Variants in LRP1B observed in about 807,000 individuals in gnomAD.
LRP1B encodes the protein low-density lipoprotein receptor-related protein 1B.
In LRP1B, 217 loss-of-function variants were observed where a neutral mutation model predicts 556.6. The ratio of observed to expected loss-of-function variants is 0.39; its 90% CI spans 0.35 to 0.44. The LOEUF is 0.44. Ranked by LOEUF, LRP1B falls within the 20% of genes least tolerant of loss-of-function variation. The pLI is 1.00. For synonymous variants in LRP1B, 2,047 were observed against 1,865.8 expected (o/e 1.10, Z -2.50); for missense variants, 5,053 against 5,620.8 (o/e 0.90, Z 3.23).
chr2:141,299,147 A>G (rs1431720052), intron 3 of LRP1B, among the ~76,000 whole-genome samples: 1 of 152,102 alleles, frequency 6.6e-6, no homozygotes, highest in Non-Finnish European at 1.5e-5. Context: ...GAACTTCAGT[A>G]TGGCTAACTC....
rs5834867 is a variant in LRP1B, at chr2:141,782,514, CTTTTTT to C, written c.205+27759_205+27764del. Among the ~76,000 whole-genome samples the C allele has an allele frequency of 2.3e-3, 226 of 97,852 alleles. 4 individuals are homozygous for C. In the East Asian group the frequency reaches 0.054, roughly 23 times the overall value. 64.2% of individuals were successfully genotyped at this position (97,852 alleles called of 152,430 possible). A position where few individuals can be genotyped will look rare whatever the true frequency, so the allele number is the denominator to read the frequency against. ...ACATTTCTTTGCATGTTCTATTTTCCTTTTTTTTTTTTTTTTTTTGGTAGCATAATG... is the reference window on the plus strand; with the variant it reads ...ACATTTCTTTGCATGTTCTATTTTCCTTTTTTTTTTTTTGGTAGCATAATG... On this transcript the variant is annotated intron_variant, in intron 2 of 90. Transcript: ENST00000389484.
intron 2 of LRP1B, among the ~76,000 whole-genome samples, chr2:141,682,252 T>C (rs149317547): frequency 6.6e-6 from 1 of 152,184 alleles, no homozygotes; most frequent in East Asian, 1.9e-4. Context: ...CCCAAATTTT[T>C]GTTAACTAGC....
intron 13 of LRP1B, 79 bp from the exon 14 acceptor site, chr2:141,013,824 C>T: frequency 1.3e-6 from 1 of 790,998 alleles, no homozygotes; most frequent in East Asian, 2.9e-5. Context: ...AAGTGATATT[C>T]AATAAGTATA....
At chr2:141,798,548 A>C (rs1281270149) in intron 2 of LRP1B, among the ~76,000 whole-genome samples, 1 of 151,854 alleles carries the variant, frequency 6.6e-6, no homozygotes, top group Non-Finnish European at 1.5e-5. Flanking sequence ...CTCTACTAAA[A>C]ATACAAAAAT....
chr2:141,937,473 C>T (rs982238419), intron 1 of LRP1B, among the ~76,000 whole-genome samples: 4 of 151,596 alleles, frequency 2.6e-5, no homozygotes, highest in Non-Finnish European at 5.9e-5. Flanking sequence ...TGGAGAAACA[C>T]TTCAAATGTA....
chr2:141,623,223 T>G (rs1574383), intron 2 of LRP1B, among the ~76,000 whole-genome samples: 114,388 of 152,126 alleles, frequency 0.75, 43,545 homozygotes, highest in East Asian at 0.84. Context: ...ACTCGCATTG[T>G]CCATATCCAA....
chr2:141,929,338 A>G (rs1427530454), intron 1 of LRP1B, among the ~76,000 whole-genome samples: 1 of 152,132 alleles, frequency 6.6e-6, no homozygotes, highest in East Asian at 1.9e-4. Flanking sequence ...AATGCACTTC[A>G]TAGGGTGTCA....
At chr2:140,283,117 AT>A (rs1259782391) in intron 84 of LRP1B, among the ~76,000 whole-genome samples, 2 of 151,800 alleles carry the variant, frequency 1.3e-5, no homozygotes, top group African/African-American at 4.8e-5. Flanking sequence ...TTCATCTAGC[AT>A]GGCTTAGGAG....
At chr2:141,384,829 A>G (rs1057182524) in intron 3 of LRP1B, among the ~76,000 whole-genome samples, 1 of 152,198 alleles carries the variant, frequency 6.6e-6, no homozygotes, top group Non-Finnish European at 1.5e-5. Context: ...ACTGCTATGT[A>G]TCTTATTGAA....
chr2:140,733,292 G>A (rs962712037), intron 35 of LRP1B, among the ~76,000 whole-genome samples: 4 of 152,036 alleles, frequency 2.6e-5, no homozygotes, highest in Non-Finnish European at 2.9e-5. Flanking sequence ...TATAATATAT[G>A]TCCTATTCTA....
At chr2:141,070,524 T>G (rs1182754406) in intron 7 of LRP1B, among the ~76,000 whole-genome samples, 2 of 151,564 alleles carry the variant, frequency 1.3e-5, no homozygotes, top group African/African-American at 2.4e-5. Context: ...CTGAAGGAAA[T>G]AGAGACACAA....
intron 11 of LRP1B, among the ~76,000 whole-genome samples, chr2:141,025,056 A>G (rs550955934): frequency 1.3e-5 from 2 of 152,134 alleles, no homozygotes; most frequent in Admixed American, 6.6e-5. Flanking sequence ...TGAGAGATCC[A>G]TGGAGAAATG....
intron 2 of LRP1B, among the ~76,000 whole-genome samples, chr2:141,634,746 C>A (rs148742176): frequency 1.3e-4 from 20 of 151,886 alleles, no homozygotes; most frequent in African/African-American, 4.6e-4. Context: ...TGGTTATTTA[C>A]CTTTTTAGAC....
intron 35 of LRP1B, among the ~76,000 whole-genome samples, chr2:140,761,150 A>C (rs1475082286): frequency 6.6e-6 from 1 of 152,194 alleles, no homozygotes; most frequent in Admixed American, 6.5e-5. Context: ...ACAGTCTACT[A>C]TTAACTGGAG....
chr2:141,050,873 A>T (rs1699017047), intron 10 of LRP1B, among the ~76,000 whole-genome samples: 1 of 152,118 alleles, frequency 6.6e-6, no homozygotes, highest in South Asian at 2.1e-4. Flanking sequence ...ACATTTTCGC[A>T]ATCTACCCAT....
intron 41 of LRP1B, among the ~76,000 whole-genome samples, chr2:140,616,800 GAA>G (rs1361405181): frequency 6.6e-6 from 1 of 151,560 alleles, no homozygotes; most frequent in Admixed American, 6.6e-5. Flanking sequence ...ATAGTTTATG[GAA>G]AAAAATCAAT....
rs774970591 is a variant in LRP1B, at chr2:141,015,759, T to C, written c.2127A>G (p.Leu709=). Residue 709 remains leucine (L), a synonymous_variant, in exon 13 of 91, where the codon TTA becomes TTG. Transcript: ENST00000389484. ...GATCGTAATAGGCATCACACCAGTA[T>C]AATGTGTTGGTGTGAAAGTCCAGAG... is the stretch of plus-strand genomic sequence containing the variant. ...GLTLDFHTNT[L]YWCDAYYDHI... The C allele has an allele frequency of 1.2e-6, 2 of 1,613,382 alleles. No homozygotes were observed. The highest frequency in any genetic ancestry group is 1.1e-5 in the South Asian group (1 of 91,072).
At chr2:140,898,171 T>G (rs1310999552) in intron 23 of LRP1B, among the ~76,000 whole-genome samples, 11 of 152,172 alleles carry the variant, frequency 7.2e-5, no homozygotes, top group Admixed American at 7.2e-4. Flanking sequence ...CATTAGATCA[T>G]ACACTTTTTG....
At chr2:141,536,003 C>T (rs1015134729) in intron 2 of LRP1B, among the ~76,000 whole-genome samples, 1 of 152,046 alleles carries the variant, frequency 6.6e-6, no homozygotes, top group Admixed American at 6.6e-5. Context: ...AATAACACAA[C>T]ACATACAAAA....
Sources: gnomAD v4.1 joint callset for allele counts (sites outside exome capture counted in the v4.1 genomes callset) on GRCh38, gnomAD v4.1.1 for gene constraint, MANE v1.5 for transcripts, NCBI Gene and HGNC (gene_info 2026-07-23, HGNC 2026-07-21) for gene names.